The following ZNF609 variants were observed in gnomAD, a reference collection of about 807,000 sequenced individuals.
ZNF609 encodes zinc finger protein 609.
ZNF609 carries 11 observed loss-of-function variants against 109.5 expected under a neutral mutation model. That is an observed-to-expected ratio of 0.10 (90% CI 0.06 to 0.17). The LOEUF (loss-of-function observed/expected upper bound fraction) is 0.17. ZNF609 is among the 10% of genes least tolerant of loss of function. ZNF609 has a pLI of 1.00. For missense variants in ZNF609, 1,559 were observed against 1,772.4 expected (o/e 0.88, Z 2.16); for synonymous variants, 646 against 662.0 (o/e 0.98, Z 0.37).
rs151288040 is a variant in ZNF609, at chr15:64,620,233, G to A, written c.748-2594G>A. ...GTATAAAAAAGGGAACAAACCCTAA[G>A]CAAAAGAAGTACACATATAGGCTGT... On this transcript the variant is annotated intron_variant, in intron 2 of 9. Transcript: ENST00000326648. Among the ~76,000 whole-genome samples the A allele has an allele frequency of 5.3e-5, 8 of 152,348 alleles. No individual in the cohort carries two copies. In the East Asian group the frequency reaches 1.5e-3, roughly 29 times the overall value.
rs151328611 is a variant in ZNF609, at chr15:64,536,326, G to A, written c.747+36160G>A. Among the ~76,000 whole-genome samples, 177 of 152,208 alleles carry A rather than the reference G, an allele frequency of 1.2e-3. 1 individual carries two copies. Among genetic ancestry groups the A allele is most frequent in the Non-Finnish European group, 2.1e-3 (145 of 68,018 alleles). ...CATGCGCCCCTGTGCCCAGCCTATG[G>A]CATGATTTTAGAAGTGGTTTATGAC... is the stretch of plus-strand genomic sequence containing the variant. On this transcript the variant is annotated intron_variant, in intron 2 of 9. Transcript: ENST00000326648.
chr15:64,546,610 C>G (rs1894365565), intron 2 of ZNF609, among the ~76,000 whole-genome samples: 1 of 151,754 alleles, frequency 6.6e-6, no homozygotes, highest in South Asian at 2.1e-4. Flanking sequence ...GTAGCTGGGA[C>G]AACAGGTGCA....
chr15:64,670,188 T>G (rs1290419201), intron 3 of ZNF609, among the ~76,000 whole-genome samples, 158 bp from the exon 4 acceptor site: 1 of 152,202 alleles, frequency 6.6e-6, no homozygotes, highest in Non-Finnish European at 1.5e-5. Flanking sequence ...TGTAGGCAAT[T>G]CCTATGGAAC....
chr15:64,584,385 T>A (rs896245583), intron 2 of ZNF609, among the ~76,000 whole-genome samples: 16 of 152,254 alleles, frequency 1.1e-4, no homozygotes, highest in African/African-American at 3.6e-4. Flanking sequence ...CAGACTGGAG[T>A]CCAGTGGCGT....
At chr15:64,566,234 G>A (rs545568865) in intron 2 of ZNF609, among the ~76,000 whole-genome samples, 85 of 152,294 alleles carry the variant, frequency 5.6e-4, no homozygotes, top group Middle Eastern at 6.8e-3. Context: ...GGAGACTGAG[G>A]CAGGAGGATT....
intron 2 of ZNF609, among the ~76,000 whole-genome samples, chr15:64,613,183 T>C (rs1895744855): frequency 6.6e-6 from 1 of 151,956 alleles, no homozygotes; most frequent in Non-Finnish European, 1.5e-5. Flanking sequence ...TAACCAGTCA[T>C]GGTGGCGTGC....
chr15:64,600,913 G>A (rs1595734240), intron 2 of ZNF609, among the ~76,000 whole-genome samples: 1 of 152,128 alleles, frequency 6.6e-6, no homozygotes, highest in Non-Finnish European at 1.5e-5. Flanking sequence ...AGGCTTGACT[G>A]CTTTATGATT....
chr15:64,588,743 A>G (rs1041414989), intron 2 of ZNF609, among the ~76,000 whole-genome samples: 3 of 151,792 alleles, frequency 2.0e-5, no homozygotes, highest in South Asian at 4.2e-4. Context: ...GGTTCAAGCA[A>G]TTCTCCTGCC....
intron 1 of ZNF609, among the ~76,000 whole-genome samples, chr15:64,467,860 A>T (rs900591694): frequency 6.6e-6 from 1 of 152,058 alleles, no homozygotes; most frequent in African/African-American, 2.4e-5. Context: ...AAAAGAAAAT[A>T]TGTGCCTTAA....
intron 2 of ZNF609, among the ~76,000 whole-genome samples, chr15:64,521,803 G>C (rs1387324070): frequency 6.6e-6 from 1 of 152,140 alleles, no homozygotes; most frequent in Non-Finnish European, 1.5e-5. Flanking sequence ...AGGAAAAAAG[G>C]AAGAGGAATA....
At chr15:64,531,303 T>A (rs757151579) in intron 2 of ZNF609, among the ~76,000 whole-genome samples, 1 of 152,236 alleles carries the variant, frequency 6.6e-6, no homozygotes, top group African/African-American at 2.4e-5. Flanking sequence ...TCAGCTGCCC[T>A]ATGAACTGCC....
At chr15:64,484,421 TAATCCCAGC>T (rs1329466811) in intron 1 of ZNF609, among the ~76,000 whole-genome samples, 16 of 152,330 alleles carry the variant, frequency 1.1e-4, no homozygotes, top group Non-Finnish European at 2.2e-4. Flanking sequence ...CTCACGCCTG[TAATCCCAGC>T]ACTTTGGGAG....
chr15:64,493,513 T>C (rs1213399766), intron 1 of ZNF609, among the ~76,000 whole-genome samples: 1 of 152,160 alleles, frequency 6.6e-6, no homozygotes, highest in African/African-American at 2.4e-5. Context: ...GGAAAGTGAT[T>C]GTCATGACCT....
intron 2 of ZNF609, among the ~76,000 whole-genome samples, chr15:64,560,097 G>A (rs1302694736): frequency 6.6e-6 from 1 of 152,104 alleles, no homozygotes; most frequent in Non-Finnish European, 1.5e-5. Context: ...CCACGCTAGA[G>A]TGCAGTGGCA....
At chr15:64,465,810 ATATT>A (rs1893005124) in intron 1 of ZNF609, among the ~76,000 whole-genome samples, 1 of 151,988 alleles carries the variant, frequency 6.6e-6, no homozygotes, top group Non-Finnish European at 1.5e-5. Context: ...TCACCACTAA[ATATT>A]TATCTTAAAA....
chr15:64,674,331 G>A lies in ZNF609; in HGVS notation c.1477G>A (p.Val493Ile), dbSNP rs200890644. 547 of 1,613,960 alleles carry A rather than the reference G, an allele frequency of 3.4e-4. 1 individual carries two copies. Among genetic ancestry groups the A allele is most frequent in the East Asian group, 1.4e-3 (64 of 44,876 alleles). Reference sequence around the variant, plus strand: ...TCTGGACAGAAACTGCCCCTCCCCCGTCCTAATTGACTGTCCCCACCCAAA... The same window carrying A: ...TCTGGACAGAAACTGCCCCTCCCCCATCCTAATTGACTGTCCCCACCCAAA... Reference protein sequence around the residue: ...TVLDRNCPSPVLIDCPHPNCN... With the variant: ...TVLDRNCPSPILIDCPHPNCN... The change falls in exon 5 of 10, where the codon GTC (valine) becomes ATC (isoleucine). Residue 493 changes from valine (V) to isoleucine (I), a missense_variant. Physicochemically the swap from Val to Ile is conservative, Grantham distance 29 (BLOSUM62 3). This residue lies in a region of ZNF609 where 1,204 missense variants were observed against 1,314.1 expected (regional missense o/e 0.92). Coordinates refer to ENST00000326648, the MANE Select transcript of ZNF609 (RefSeq NM_015042.2).
chr15:64,481,386 T>C (rs1385508980), intron 1 of ZNF609, among the ~76,000 whole-genome samples: 2 of 148,566 alleles, frequency 1.3e-5, no homozygotes, highest in East Asian at 4.0e-4. Flanking sequence ...AATGGCGCGA[T>C]CTCGGCTCAC....
At chr15:64,654,273 GT>G (rs1276581455) in intron 3 of ZNF609, 1 of 152,042 alleles carries the variant, frequency 6.6e-6, no homozygotes, top group Non-Finnish European at 1.5e-5. Flanking sequence ...CTGACTTCAG[GT>G]GATTCACCCG....
chr15:64,641,219 C>CTTTCTTTTTTTTTTTTTT (rs1284761579), intron 3 of ZNF609, among the ~76,000 whole-genome samples: 2 of 69,738 alleles, frequency 2.9e-5, no homozygotes, highest in African/African-American at 1.1e-4. Flanking sequence ...CTTGTGCTTT[C>CTTTCTTTTTTTTTTTTTT]TTTTTTTTTT....
Sources: allele counts gnomAD v4.1 joint callset (sites outside exome capture counted in the v4.1 genomes callset), GRCh38; gene constraint gnomAD v4.1.1; regional missense constraint gnomAD v4.1.1; transcripts MANE v1.5; gene names NCBI Gene and HGNC (gene_info 2026-07-23, HGNC 2026-07-21).